RMND5B: variants seen among roughly 807,000 people sequenced by gnomAD.
RMND5B encodes the protein required for meiotic nuclear division 5 homolog B, also known as E3 ubiquitin-protein transferase RMND5B.
In RMND5B, 42 loss-of-function variants were observed where a neutral mutation model predicts 50.4. That is an observed-to-expected ratio of 0.83 (90% confidence interval 0.65 to 1.08). The LOEUF is 1.08. Among genes scored for constraint, RMND5B ranks in the 50% least tolerant of loss-of-function variants. The pLI, the probability that RMND5B is intolerant of heterozygous loss-of-function variation, is 0.00. For missense variants in RMND5B, 463 were observed against 508.5 expected (o/e 0.91, Z 0.86); for synonymous variants, 220 against 210.0 (o/e 1.05, Z -0.41).
intron 3 of RMND5B, chr5:178,141,898 A>G (rs543025317): frequency 6.6e-6 from 1 of 152,266 alleles, no homozygotes; most frequent in East Asian, 1.9e-4. Flanking sequence ...TTTTGTCTCT[A>G]TAGATTTGCC....
At chr5:178,132,022 A>G (rs146655092) in intron 2 of RMND5B, among the ~76,000 whole-genome samples, 3 of 152,286 alleles carry the variant, frequency 2.0e-5, no homozygotes, top group East Asian at 3.9e-4. Flanking sequence ...CTGCAAAAGC[A>G]TAAGAATTGG....
In RMND5B at chr5:178,147,710, G is replaced by A. The variant is rs777272734; in HGVS notation, c.964-19G>A. 27 of 1,613,988 alleles carry A rather than the reference G, an allele frequency of 1.7e-5. 1 individual carries two copies. The highest frequency in any genetic ancestry group is 4.4e-5 in the South Asian group (4 of 91,078). ...CCATGACAGGAAGTGGAACTCACCC[G>A]CTTCGCTGCCCTTCCCAGATTGAGA... On this transcript the variant is annotated intron_variant, in intron 9 of 10. Coordinates refer to ENST00000313386, the MANE Select transcript of RMND5B (RefSeq NM_022762.5).
At position 178,150,441 on chromosome 5, in the gene RMND5B, T is replaced by G. The variant is rs1203366316; in HGVS notation, c.*2409T>G. ...TCATGCAGTCTGGAGTGTGGTGGTGTATGATCATGGCTCACTGCAGCCTTG... is the reference window on the plus strand; with the variant it reads ...TCATGCAGTCTGGAGTGTGGTGGTGGATGATCATGGCTCACTGCAGCCTTG... On this transcript the variant is annotated 3_prime_UTR_variant, in exon 11 of 11. Transcript: ENST00000313386. 1 of 347,934 alleles carries G rather than the reference T, an allele frequency of 2.9e-6. No individual in the cohort carries two copies. Among genetic ancestry groups the G allele is most frequent in the Non-Finnish European group, 5.7e-6 (1 of 176,594 alleles). 21.6% of individuals were successfully genotyped at this position (347,934 alleles called of 1,614,324 possible).
chr5:178,138,077 G>A lies in RMND5B; in HGVS notation c.-12-31G>A. 6.4e-7 allele frequency: 1 copy of A among 1,551,508 alleles called. No individual in the cohort carries two copies. Among genetic ancestry groups the A allele is most frequent in the Non-Finnish European group, 8.7e-7 (1 of 1,148,088 alleles). ...CTGCCTGCCATGCCACCGTGGCCCA[G>A]ATGGGGCCTGACCCAGCTGACCCTC... On this transcript the variant is annotated intron_variant, in intron 2 of 10. Transcript: ENST00000313386. The surrounding 1 kb of genome is among the most constrained non-coding windows in gnomAD (Gnocchi z 5.1).
chr5:178,147,596 G>A lies in RMND5B; in HGVS notation c.924G>A (p.Arg308=). Residue 308 remains arginine (R), a synonymous_variant, in exon 9 of 11, where the codon CGG becomes CGA. Transcript: ENST00000313386. ...LMNIKAVIEQ[R]QCTGVWNHKD... ...ACATCAAGGCTGTGATTGAGCAGCGGCAGTGCACTGGGGTCTGGAATCACA... is the reference window on the plus strand; with the variant it reads ...ACATCAAGGCTGTGATTGAGCAGCGACAGTGCACTGGGGTCTGGAATCACA... 1.2e-6 allele frequency: 2 copies of A among 1,614,220 alleles called. No homozygotes were observed. Among genetic ancestry groups the A allele is most frequent in the South Asian group, 1.1e-5 (1 of 91,086 alleles).
At position 178,148,137 on chromosome 5, in the gene RMND5B, C is replaced by T; in HGVS notation, c.*105C>T. ...GTGGACTGTGGTTGGTTTCAGAGCGCCTGGCTGAGGAGTTCCACTGAGGGG... is the reference window on the plus strand; with the variant it reads ...GTGGACTGTGGTTGGTTTCAGAGCGTCTGGCTGAGGAGTTCCACTGAGGGG... On this transcript the variant is annotated 3_prime_UTR_variant, in exon 11 of 11. Coordinates refer to ENST00000313386, the MANE Select transcript of RMND5B (RefSeq NM_022762.5). 8.6e-7 allele frequency: 1 copy of T among 1,159,902 alleles called. No individual in the cohort carries two copies. The highest frequency in any genetic ancestry group is 1.3e-6 in the Non-Finnish European group (1 of 780,216). 71.9% of individuals were successfully genotyped at this position (1,159,902 alleles called of 1,614,324 possible). A position where few individuals can be genotyped will look rare whatever the true frequency, so the allele number is the denominator to read the frequency against.
At chr5:178,144,184 C>T in intron 7 of RMND5B, 76 bp downstream of exon 7, 3 of 1,507,154 alleles carry the variant, frequency 2.0e-6, no homozygotes, top group Non-Finnish European at 2.7e-6. Flanking sequence ...ATCAGGCTGC[C>T]AGTCCCTGCA....
At position 178,146,200 on chromosome 5, in the gene RMND5B, T is replaced by G; in HGVS notation, c.781T>G (p.Trp261Gly). Residue 261 changes from tryptophan to glycine, a missense_variant, in exon 8 of 11, where the codon TGG (tryptophan) becomes GGG (glycine). Physicochemically the swap from Trp to Gly is radical, Grantham distance 184 (BLOSUM62 -2). Coordinates refer to ENST00000313386, the MANE Select transcript of RMND5B (RefSeq NM_022762.5). ...PYCHLLDSSH[W>G]AEICETFTRD... is the part of the protein sequence containing the mutation. ...CTGCCACCTGCTGGACAGCAGCCAC[T>G]GGGCAGAGATCTGTGAGACCTTTAC... is the stretch of plus-strand genomic sequence containing the variant. The G allele has an allele frequency of 6.2e-7, 1 of 1,614,202 alleles. No homozygotes were observed. Among genetic ancestry groups the G allele is most frequent in the African/African-American group, 1.3e-5 (1 of 75,074 alleles).
At chr5:178,135,284 G>A in intron 2 of RMND5B, 1 of 225,918 alleles carries the variant, frequency 4.4e-6, no homozygotes, top group Non-Finnish European at 9.7e-6. Context: ...TGAGGAGCTG[G>A]GACCACAGGC....
rs770411732 is a variant in RMND5B at position 178,149,785 on chromosome 5, C to T, written c.*1753C>T. ...AAGCCTCCTGGTACTCCTCATGGGG[C>T]TTGACCATTATCACACAGGTGGGGC... is the stretch of plus-strand genomic sequence containing the variant. On this transcript the variant is annotated 3_prime_UTR_variant, in exon 11 of 11. Coordinates refer to ENST00000313386, the MANE Select transcript of RMND5B (RefSeq NM_022762.5). 6.2e-7 allele frequency: 1 copy of T among 1,614,050 alleles called. No individual in the cohort carries two copies.
chr5:178,134,070 G>GA (rs1491401340), intron 2 of RMND5B, among the ~76,000 whole-genome samples: 6 of 152,220 alleles, frequency 3.9e-5, no homozygotes, highest in African/African-American at 9.6e-5. Context: ...TCTGGGCACT[G>GA]AGGGGGAGAA....
At chr5:178,142,753 G>T (rs372354955) in intron 4 of RMND5B, 25 bp downstream of exon 4, 2 of 1,614,256 alleles carry the variant, frequency 1.2e-6, no homozygotes, top group African/African-American at 1.3e-5. Context: ...GGCTCCAGGC[G>T]TGGGGTGGGA....
chr5:178,146,897 C>T (rs923318631), intron 8 of RMND5B: 3 of 157,532 alleles, frequency 1.9e-5, no homozygotes, highest in African/African-American at 7.2e-5. Context: ...TTGATGGTGT[C>T]TGAGTACAGC....
intron 3 of RMND5B, among the ~76,000 whole-genome samples, chr5:178,140,909 A>G (rs1264774113): frequency 4.0e-5 from 6 of 151,686 alleles, no homozygotes; most frequent in African/African-American, 1.2e-4. Context: ...TCAGCCTACT[A>G]GTTTTAGTAT....
chr5:178,134,176 C>T (rs1371482236), intron 2 of RMND5B, among the ~76,000 whole-genome samples: 2 of 152,074 alleles, frequency 1.3e-5, no homozygotes, highest in Non-Finnish European at 2.9e-5. Flanking sequence ...GCTGAGGACT[C>T]GATGGGTGTG....
chr5:178,144,259 G>A (rs953252352), intron 7 of RMND5B, 151 bp downstream of exon 7: 2 of 769,462 alleles, frequency 2.6e-6, no homozygotes, highest in Non-Finnish European at 4.1e-6. Context: ...GACCCCTCGT[G>A]TCCAGGATGA....
Position 178,142,908 on chromosome 5 carries a change from ACAG to A in RMND5B, c.352_354del (p.Gln118del), listed in dbSNP as rs750867513. On this transcript the variant is annotated inframe_deletion, in exon 5 of 11. Coordinates refer to ENST00000313386, the MANE Select transcript of RMND5B (RefSeq NM_022762.5). The stretch of plus-strand genomic sequence containing the variant: ...CAGATGCGGTGTGGGACGCGCGGGA[ACAG>A]CAGCAGCAGATCCTGCAGATGGCCA... 10 of 1,614,180 alleles carry A rather than the reference ACAG, an allele frequency of 6.2e-6. No homozygotes were observed. The East Asian group carries it at 1.8e-4, about 29-fold the overall frequency.
intron 7 of RMND5B, among the ~76,000 whole-genome samples, chr5:178,145,220 C>T (rs939742981): frequency 6.6e-6 from 1 of 151,844 alleles, no homozygotes; most frequent in African/African-American, 2.4e-5. Context: ...GGCATGATGG[C>T]TCACACCTGT....
intron 7 of RMND5B, 151 bp from the exon 8 acceptor site, chr5:178,145,963 T>G: frequency 1.4e-6 from 1 of 701,168 alleles, no homozygotes; most frequent in Non-Finnish European, 2.3e-6. Flanking sequence ...CAAATTTGCC[T>G]GAGGGCATTT....
Sources: allele counts gnomAD v4.1 joint callset (sites outside exome capture counted in the v4.1 genomes callset), GRCh38; gene constraint gnomAD v4.1.1; non-coding constraint Gnocchi (gnomAD v3.1); transcripts MANE v1.5; gene names NCBI Gene and HGNC (gene_info 2026-07-23, HGNC 2026-07-21).